KSR2: variants seen among roughly 807,000 people sequenced by gnomAD.
KSR2 encodes the protein kinase suppressor of ras 2.
KSR2 carries 25 observed loss-of-function variants against 107.8 expected under a neutral mutation model. The ratio of observed to expected loss-of-function variants is 0.23; its 90% CI spans 0.17 to 0.32. KSR2 has a LOEUF of 0.32. KSR2 is among the 10% of genes least tolerant of loss of function. KSR2 has a pLI of 1.00. For missense variants in KSR2, 887 were observed against 1,268.9 expected (o/e 0.70, Z 4.57); for synonymous variants, 480 against 507.0 (o/e 0.95, Z 0.71).
chr12:117,908,184 CAT>C (rs1390132122), intron 1 of KSR2, among the ~76,000 whole-genome samples: 1 of 151,364 alleles, frequency 6.6e-6, no homozygotes, highest in African/African-American at 2.4e-5. Context: ...TCACATATCT[CAT>C]ATATCCATTT....
chr12:117,728,164 T>C (rs1358033384), intron 4 of KSR2, among the ~76,000 whole-genome samples: 1 of 152,196 alleles, frequency 6.6e-6, no homozygotes, highest in Non-Finnish European at 1.5e-5. Context: ...TCAAAACTCA[T>C]TGAACTTACC....
intron 4 of KSR2, among the ~76,000 whole-genome samples, chr12:117,691,985 C>A (rs1415729317): frequency 6.6e-6 from 1 of 152,166 alleles, no homozygotes; most frequent in African/African-American, 2.4e-5. Context: ...GGCATTCCAT[C>A]CAGACCTGGC....
intron 4 of KSR2, among the ~76,000 whole-genome samples, chr12:117,707,508 A>G (rs1490141879): frequency 6.6e-6 from 1 of 152,196 alleles, no homozygotes; most frequent in Non-Finnish European, 1.5e-5. Context: ...ATCACTTTCT[A>G]GCTGTGTGAC....
intron 5 of KSR2, among the ~76,000 whole-genome samples, chr12:117,584,788 A>T (rs560168581): frequency 6.6e-6 from 1 of 152,212 alleles, no homozygotes; most frequent in Admixed American, 6.5e-5. Flanking sequence ...TATGCTATGC[A>T]TTTTATACCT....
At chr12:117,775,082 C>G (rs1219583793) in intron 3 of KSR2, among the ~76,000 whole-genome samples, 1 of 152,128 alleles carries the variant, frequency 6.6e-6, no homozygotes, top group Non-Finnish European at 1.5e-5. Flanking sequence ...GTTGTTTCTA[C>G]TTTTGGCAAG....
intron 1 of KSR2, among the ~76,000 whole-genome samples, chr12:117,955,316 C>T (rs919217091): frequency 2.0e-5 from 3 of 151,918 alleles, no homozygotes; most frequent in Non-Finnish European, 2.9e-5. Flanking sequence ...TGTAGAGATG[C>T]TATCTCCCTA....
rs567636777 is a variant in KSR2 at position 117,757,653 on chromosome 12, C to A, written c.986+3358G>T. Among the ~76,000 whole-genome samples, 9 of 152,308 alleles carry A rather than the reference C, an allele frequency of 5.9e-5. No individual in the cohort carries two copies. The East Asian group carries it at 1.5e-3, about 26-fold the overall frequency. Reference sequence around the variant, plus strand: ...TACCATCACCTTGATCAGTCGGCAGCCATCAACATTGAAGCAAGACCTTCC... The same window carrying A: ...TACCATCACCTTGATCAGTCGGCAGACATCAACATTGAAGCAAGACCTTCC... On this transcript the variant is annotated intron_variant, in intron 4 of 19. Transcript: ENST00000339824.
Position 117,907,219 on chromosome 12 carries a change from AC to A in KSR2, c.181-46789del, listed in dbSNP as rs1894880683. ...TAAGTAAGTGACAGCACCAAGATTC[AC>A]ACCTGGTTCTTTCTGACCCAATGTC... On this transcript the variant is annotated intron_variant, in intron 1 of 19. Coordinates refer to ENST00000339824, the MANE Select transcript of KSR2 (RefSeq NM_173598.6). The surrounding 1 kb of genome is among the most constrained non-coding windows in gnomAD (Gnocchi z 4.3). 6.6e-6 allele frequency among the ~76,000 whole-genome samples: 1 copy of A among 152,262 alleles called. No individual in the cohort carries two copies. Among genetic ancestry groups the A allele is most frequent in the South Asian group, 2.1e-4 (1 of 4,820 alleles).
At chr12:117,603,085 T>C (rs957367741) in intron 5 of KSR2, among the ~76,000 whole-genome samples, 61 of 152,296 alleles carry the variant, frequency 4.0e-4, no homozygotes, top group African/African-American at 1.4e-3. Flanking sequence ...CTACTTTCCA[T>C]AGAATTAAGA....
chr12:117,658,610 T>C (rs1457138124), intron 5 of KSR2, among the ~76,000 whole-genome samples: 1 of 152,180 alleles, frequency 6.6e-6, no homozygotes, highest in African/African-American at 2.4e-5. Flanking sequence ...AGAAAAAGGT[T>C]GCTGACCCCT....
At chr12:117,815,079 T>A (rs1222104070) in intron 3 of KSR2, among the ~76,000 whole-genome samples, 4 of 152,126 alleles carry the variant, frequency 2.6e-5, no homozygotes, top group Non-Finnish European at 1.5e-5. Context: ...CATTGAAAGG[T>A]CAGGAAAGAG....
At chr12:117,763,205 A>G (rs377544949) in intron 3 of KSR2, among the ~76,000 whole-genome samples, 214 of 152,034 alleles carry the variant, frequency 1.4e-3, no homozygotes, top group African/African-American at 4.9e-3. Flanking sequence ...CCATGTCCCT[A>G]CAAAGGACAT....
At chr12:117,567,812 G>A (rs979699862) in intron 7 of KSR2, among the ~76,000 whole-genome samples, 32 of 151,350 alleles carry the variant, frequency 2.1e-4, no homozygotes, top group Admixed American at 1.7e-3. Context: ...GACTCCGTAC[G>A]CTCCAAGTGC....
At chr12:117,740,520 TA>T (rs1888156354) in intron 4 of KSR2, among the ~76,000 whole-genome samples, 3 of 118,580 alleles carry the variant, frequency 2.5e-5, no homozygotes, top group South Asian at 2.8e-4. Flanking sequence ...ATATAATATA[TA>T]GTACATATAT....
At chr12:117,886,684 A>G (rs1894187335) in intron 1 of KSR2, among the ~76,000 whole-genome samples, 1 of 152,178 alleles carries the variant, frequency 6.6e-6, no homozygotes, top group Admixed American at 6.5e-5. Flanking sequence ...CAGTATACAT[A>G]TAATTATATA....
intron 4 of KSR2, among the ~76,000 whole-genome samples, chr12:117,705,638 T>C (rs754859192): frequency 6.6e-6 from 1 of 152,216 alleles, no homozygotes; most frequent in Non-Finnish European, 1.5e-5. Context: ...GCTTCATTAC[T>C]GTCAGTCCCC....
chr12:117,860,308 G>C lies in KSR2; in HGVS notation c.304C>G (p.Arg102Gly). Reference protein sequence around the residue: ...LRHWFRIVDVRKEVLEEISPG... With the variant: ...LRHWFRIVDVGKEVLEEISPG... ...CAGGTCACCTCCAGGACCTCCTTGCGCACATCGACGATTCGGAACCAGTGC... is the reference window on the plus strand; with the variant it reads ...CAGGTCACCTCCAGGACCTCCTTGCCCACATCGACGATTCGGAACCAGTGC... Residue 102 changes from arginine to glycine, a missense_variant, in exon 2 of 20, where the codon CGC (arginine) becomes GGC (glycine). Transcript: ENST00000339824. 6.2e-7 allele frequency: 1 copy of C among 1,613,400 alleles called. No homozygotes were observed. Among genetic ancestry groups the C allele is most frequent in the Non-Finnish European group, 8.5e-7 (1 of 1,179,498 alleles).
intron 7 of KSR2, among the ~76,000 whole-genome samples, chr12:117,575,719 C>CT (rs1217648719): frequency 3.3e-5 from 5 of 152,262 alleles, no homozygotes; most frequent in Non-Finnish European, 7.4e-5. Flanking sequence ...CATGTCAGAT[C>CT]TTCATGTTTT....
At chr12:117,908,938 T>A (rs572425495) in intron 1 of KSR2, among the ~76,000 whole-genome samples, 1 of 152,296 alleles carries the variant, frequency 6.6e-6, no homozygotes, top group Admixed American at 6.5e-5. Flanking sequence ...AAAGTGAGCC[T>A]TTGAAGACCT....
Sources: allele counts gnomAD v4.1 joint callset (sites outside exome capture counted in the v4.1 genomes callset), GRCh38; gene constraint gnomAD v4.1.1; non-coding constraint Gnocchi (gnomAD v3.1); transcripts MANE v1.5; gene names NCBI Gene and HGNC (gene_info 2026-07-23, HGNC 2026-07-21).